Variants in LRRD1 observed in about 807,000 individuals in gnomAD.
LRRD1 encodes the protein leucine rich repeats and death domain containing 1, also known as leucine-rich repeat and death domain-containing protein 1.
A neutral mutation model predicts 69.5 loss-of-function variants in LRRD1; 49 were observed. That is an observed-to-expected ratio of 0.70 (90% CI 0.56 to 0.89). The LOEUF (loss-of-function observed/expected upper bound fraction) is 0.89. Among genes scored for constraint, LRRD1 ranks in the 40% least tolerant of loss-of-function variants. The pLI is 0.00. For missense variants in LRRD1, 853 were observed against 956.0 expected (o/e 0.89, Z 1.42); for synonymous variants, 303 against 338.9 (o/e 0.89, Z 1.16).
intron 1 of LRRD1, among the ~76,000 whole-genome samples, chr7:92,168,502 C>T (rs1788973817): frequency 6.6e-6 from 1 of 152,128 alleles, no homozygotes; most frequent in Non-Finnish European, 1.5e-5. Flanking sequence ...CCACAGGTCA[C>T]CTGGACATGA....
chr7:92,174,501 ATATATATATTTTTTTT>A (rs1477279334), intron 1 of LRRD1, among the ~76,000 whole-genome samples: 1 of 20,038 alleles, frequency 5.0e-5, no homozygotes, highest in Non-Finnish European at 1.1e-4. Context: ...ATATATATAT[ATATATATATTTTTTTT>A]TTTTTTTTTT....
At chr7:92,156,773 GTGT>G (rs1213163088) in intron 3 of LRRD1, among the ~76,000 whole-genome samples, 1 of 151,832 alleles carries the variant, frequency 6.6e-6, no homozygotes, top group Admixed American at 6.6e-5. Flanking sequence ...TCTTTTTCTT[GTGT>G]TGTTGTGCTA....
chr7:92,142,877 G>A (rs1366876096), downstream of LRRD1: 1 of 359,856 alleles, frequency 2.8e-6, no homozygotes, highest in African/African-American at 2.1e-5. Flanking sequence ...GACCCAAAGA[G>A]AGAGCAGCAG....
At chr7:92,148,862 T>G (rs952789913) in intron 4 of LRRD1, among the ~76,000 whole-genome samples, 1 of 152,112 alleles carries the variant, frequency 6.6e-6, no homozygotes, top group Non-Finnish European at 1.5e-5. Flanking sequence ...ATTCTCCTGC[T>G]TCAGCCTCCT....
Position 92,163,546 on chromosome 7 carries a change from A to T in LRRD1, c.1657T>A (p.Ser553Thr). The change falls in exon 2 of 6, where the codon TCT (serine) becomes ACT (threonine). Residue 553 changes from serine (S) to threonine (T), a missense_variant. By Grantham distance (58) the Ser-to-Thr change is moderately conservative. Transcript: ENST00000458448. ...NQIKKIPASISNMISLHVLIL... is the reference protein window; with the variant it reads ...NQIKKIPASITNMISLHVLIL... ...AGTACGTGGAGTGATATCATATTAG[A>T]AATTGATGCTGGAATTTTCTTTATT... is the stretch of plus-strand genomic sequence containing the variant. The T allele has an allele frequency of 6.5e-7, 1 of 1,528,436 alleles. No individual in the cohort carries two copies. 94.7% of individuals were successfully genotyped at this position (1,528,436 alleles called of 1,614,324 possible).
At chr7:92,161,021 G>C (rs1290588778) in intron 2 of LRRD1, among the ~76,000 whole-genome samples, 4 of 152,168 alleles carry the variant, frequency 2.6e-5, no homozygotes, top group Non-Finnish European at 5.9e-5. Context: ...GTAGGAGTCA[G>C]ATCAAAACAG....
At chr7:92,167,790 C>T (rs1418076273) in intron 1 of LRRD1, among the ~76,000 whole-genome samples, 1 of 131,890 alleles carries the variant, frequency 7.6e-6, no homozygotes, top group Non-Finnish European at 1.6e-5. Context: ...GGCAGGAGAA[C>T]GGCATGAACC....
chr7:92,148,766 T>C, intron 4 of LRRD1, among the ~76,000 whole-genome samples: 1 of 152,184 alleles, frequency 6.6e-6, no homozygotes, highest in Middle Eastern at 3.2e-3. Context: ...TTTCATTTTT[T>C]AGACGGAGTC....
intron 1 of LRRD1, among the ~76,000 whole-genome samples, chr7:92,172,298 A>C (rs1214123334): frequency 1.3e-5 from 2 of 152,114 alleles, no homozygotes; most frequent in African/African-American, 4.8e-5. Flanking sequence ...AAGGATGTCC[A>C]CTCTCACCAC....
chr7:92,164,931 C>A lies in LRRD1; in HGVS notation c.272G>T (p.Ser91Ile). ...QKKNLQFSETSTRTGTSQSLS... is the reference protein window; with the variant it reads ...QKKNLQFSETITRTGTSQSLS... ...ACTCTGTGAAGTTCCTGTTCTAGTG[C>A]TTGTTTCAGAAAATTGAAGATTTTT... The change falls in exon 2 of 6, where the codon AGC becomes ATC. Residue 91 changes from serine to isoleucine, a missense_variant. By Grantham distance (142) the Ser-to-Ile change is moderately radical (BLOSUM62 -2). Coordinates refer to ENST00000458448, the MANE Select transcript of LRRD1 (RefSeq NM_001161528.2). 6.4e-7 allele frequency: 1 copy of A among 1,551,464 alleles called. No individual in the cohort carries two copies. Among genetic ancestry groups the A allele is most frequent in the Non-Finnish European group, 8.7e-7 (1 of 1,146,906 alleles).
At chr7:92,153,243 T>G (rs1788561976) in intron 3 of LRRD1, among the ~76,000 whole-genome samples, 1 of 151,850 alleles carries the variant, frequency 6.6e-6, no homozygotes, top group Admixed American at 6.6e-5. Flanking sequence ...TTTTGTATTT[T>G]TAGTAGAGAT....
At chr7:92,153,211 C>T (rs1431622423) in intron 3 of LRRD1, among the ~76,000 whole-genome samples, 2 of 151,940 alleles carry the variant, frequency 1.3e-5, no homozygotes, top group Non-Finnish European at 2.9e-5. Context: ...ACCATAGGCA[C>T]AAGCCACCAT....
chr7:92,149,323 T>G lies in LRRD1; in HGVS notation c.2278+1211A>C, dbSNP rs368381437. On this transcript the variant is annotated intron_variant, in intron 4 of 5. Transcript: ENST00000458448. ...ATAGAATGATCTGAAGGGATAGTTT[T>G]TGGTATTCCATTTCCCCAAATCTGG... is the stretch of plus-strand genomic sequence containing the variant. 2.6e-5 allele frequency among the ~76,000 whole-genome samples: 4 copies of G among 152,358 alleles called. 1 individual carries two copies.
intron 1 of LRRD1, among the ~76,000 whole-genome samples, chr7:92,171,865 CAT>C (rs1789064290): frequency 1.3e-5 from 2 of 152,356 alleles, no homozygotes; most frequent in African/African-American, 4.8e-5. Context: ...GTTCATTCAA[CAT>C]ATGAAAATCA....
At chr7:92,174,503 A>C (rs1219813917) in intron 1 of LRRD1, among the ~76,000 whole-genome samples, 2 of 20,108 alleles carry the variant, frequency 9.9e-5, no homozygotes, top group Non-Finnish European at 1.9e-4. Flanking sequence ...ATATATATAT[A>C]TATATATTTT....
Position 92,146,129 on chromosome 7 carries a change from G to T in LRRD1, c.2350C>A (p.Gln784Lys). ...TCTGAGTTTGCCAGGTTTAGTTTTTGACATAAAAATTCAAAATTGGTTTCA... is the reference window on the plus strand; with the variant it reads ...TCTGAGTTTGCCAGGTTTAGTTTTTTACATAAAAATTCAAAATTGGTTTCA... ...ITETNFEFLC[Q>K]KLNLANSETD... is the part of the protein sequence containing the mutation. Residue 784 changes from glutamine to lysine, a missense_variant, in exon 5 of 6, where the codon CAA (glutamine) becomes AAA (lysine). Coordinates refer to ENST00000458448, the MANE Select transcript of LRRD1 (RefSeq NM_001161528.2). 6.5e-7 allele frequency: 1 copy of T among 1,542,310 alleles called. No individual in the cohort carries two copies. Among genetic ancestry groups the T allele is most frequent in the Non-Finnish European group, 8.7e-7 (1 of 1,143,710 alleles).
Position 92,146,248 on chromosome 7 carries a change from C to T in LRRD1, c.2279-48G>A, listed in dbSNP as rs1168099513. 3.2e-6 allele frequency: 3 copies of T among 926,000 alleles called. No individual in the cohort carries two copies. The South Asian group carries it at 5.6e-5, about 17-fold the overall frequency. The allele number at this position is 926,000 out of a possible 1,614,324, so 57.4% of individuals were successfully genotyped here. A position where few individuals can be genotyped will look rare whatever the true frequency, so the allele number is the denominator to read the frequency against. The stretch of plus-strand genomic sequence containing the variant: ...ATGTATATCTTTTGAAAAAGATAAT[C>T]TATTTTGAGTTCATATTATATCTAG... On this transcript the variant is annotated intron_variant, in intron 4 of 5. Coordinates refer to ENST00000458448, the MANE Select transcript of LRRD1 (RefSeq NM_001161528.2).
intron 3 of LRRD1, among the ~76,000 whole-genome samples, chr7:92,154,270 G>C (rs1036117510): frequency 1.3e-5 from 2 of 151,882 alleles, no homozygotes; most frequent in Non-Finnish European, 2.9e-5. Context: ...GACAGGGTCT[G>C]GCTTTGTCAC....
intron 1 of LRRD1, among the ~76,000 whole-genome samples, chr7:92,174,463 C>A (rs2131025400): frequency 3.7e-5 from 3 of 80,552 alleles, no homozygotes; most frequent in South Asian, 4.9e-4. Flanking sequence ...TATTATGTAT[C>A]AATTAGAATA....
Sources: gnomAD v4.1 joint callset for allele counts (sites outside exome capture counted in the v4.1 genomes callset) on GRCh38, gnomAD v4.1.1 for gene constraint, MANE v1.5 for transcripts, NCBI Gene and HGNC (gene_info 2026-07-23, HGNC 2026-07-21) for gene names.